Variants in HKDC1 observed in about 807,000 individuals in gnomAD.
HKDC1 encodes hexokinase domain containing 1, also known as hexokinase HKDC1.
A neutral mutation model predicts 96.6 loss-of-function variants in HKDC1; 66 were observed. That is an observed-to-expected ratio of 0.68 (90% CI 0.56 to 0.84). The LOEUF (loss-of-function observed/expected upper bound fraction) is 0.84. Ranked by LOEUF, HKDC1 falls within the 40% of genes least tolerant of loss-of-function variation. HKDC1 has a pLI of 0.00. For synonymous variants in HKDC1, 466 were observed against 473.1 expected, an observed-to-expected ratio of 0.98 and a Z score of 0.20; for missense variants, 1,211 against 1,208.1, an observed-to-expected ratio of 1.00 and a Z score of -0.04.
rs145675924 is a variant in HKDC1, at chr10:69,255,695, T to A, written c.1837-1341T>A. Among the ~76,000 whole-genome samples the A allele has an allele frequency of 1.9e-3, 285 of 152,148 alleles. 3 individuals are homozygous for A. The highest frequency in any genetic ancestry group is 6.3e-3 in the African/African-American group (260 of 41,502). On this transcript the variant is annotated intron_variant, in intron 12 of 17. Coordinates refer to ENST00000354624, the MANE Select transcript of HKDC1 (RefSeq NM_025130.4). ...AATTTGGGAGGCCGAGGAGGGTGGA[T>A]CACTTGAGGTCAGGAGTTCAAGACC...
At chr10:69,228,444 T>C (rs1218676315) in intron 2 of HKDC1, among the ~76,000 whole-genome samples, 1 of 152,196 alleles carries the variant, frequency 6.6e-6, no homozygotes, top group East Asian at 1.9e-4. Flanking sequence ...GATTAGGATG[T>C]GAGCATCTTT....
At chr10:69,251,318 A>G (rs1370501015) in intron 12 of HKDC1, among the ~76,000 whole-genome samples, 1 of 150,984 alleles carries the variant, frequency 6.6e-6, no homozygotes, top group South Asian at 2.1e-4. Context: ...CTGGTCATGA[A>G]CTCCTGACCT....
chr10:69,253,483 G>T (rs192565355), intron 12 of HKDC1, among the ~76,000 whole-genome samples: 126 of 152,312 alleles, frequency 8.3e-4, no homozygotes, highest in Non-Finnish European at 1.4e-3. Context: ...CTGGGGTTAT[G>T]GGCTCCTGTT....
chr10:69,239,509 T>C (rs1843420989), intron 5 of HKDC1, among the ~76,000 whole-genome samples: 1 of 152,202 alleles, frequency 6.6e-6, no homozygotes, highest in African/African-American at 2.4e-5. Flanking sequence ...CCATATTCTT[T>C]CTGGGCTGGT....
In HKDC1 at chr10:69,258,887, G is replaced by A. The variant is rs1476652683; in HGVS notation, c.2144G>A (p.Gly715Asp). The change falls in exon 15 of 18, where the codon GGC becomes GAC. Residue 715 changes from glycine to aspartate, a missense_variant. Coordinates refer to ENST00000354624, the MANE Select transcript of HKDC1 (RefSeq NM_025130.4). ...GAGTGGGGAGGATTTGGAGACAATG[G>A]CTGCATAGATGACATCTGGACCCGA... ...NTEWGGFGDN[G>D]CIDDIWTRYD... The A allele has an allele frequency of 1.2e-6, 2 of 1,612,414 alleles. No individual in the cohort carries two copies. Among genetic ancestry groups the A allele is most frequent in the Middle Eastern group, 1.7e-4 (1 of 6,044 alleles).
At chr10:69,258,427 G>T (rs1417117900) in intron 14 of HKDC1, among the ~76,000 whole-genome samples, 1 of 152,060 alleles carries the variant, frequency 6.6e-6, no homozygotes, top group Non-Finnish European at 1.5e-5. Flanking sequence ...CTAATTTTAC[G>T]ACTGCTTGGA....
chr10:69,250,168 C>G lies in HKDC1; in HGVS notation c.1571-122C>G, dbSNP rs556381201. 2.7e-4 allele frequency: 307 copies of G among 1,126,448 alleles called. 3 individuals carry two copies. In the South Asian group the frequency reaches 4.4e-3, roughly 16 times the overall value. 69.8% of individuals were successfully genotyped at this position (1,126,448 alleles called of 1,614,324 possible). ...TGTGCAGGGTGGCCCCCACGACCCT[C>G]TGGTCTATGAGGCCCAGGAGTGCAG... On this transcript the variant is annotated intron_variant, in intron 10 of 17. Coordinates refer to ENST00000354624, the MANE Select transcript of HKDC1 (RefSeq NM_025130.4).
At position 69,244,060 on chromosome 10, in the gene HKDC1, G is replaced by A. The variant is rs141904324; in HGVS notation, c.875+695G>A. On this transcript the variant is annotated intron_variant, in intron 7 of 17. Transcript: ENST00000354624. ...CGTCGTGTTCGCATGTCCCCCAGCC[G>A]CCTTGCTTTCTCGGAGGCCTAATCA... Among the ~76,000 whole-genome samples the A allele has an allele frequency of 4.6e-5, 7 of 152,130 alleles. No individual in the cohort carries two copies. In the East Asian group the frequency reaches 7.7e-4, roughly 17 times the overall value.
At chr10:69,236,435 T>C (rs1843361848) in intron 4 of HKDC1, among the ~76,000 whole-genome samples, 2 of 151,174 alleles carry the variant, frequency 1.3e-5, no homozygotes, top group South Asian at 2.1e-4. Context: ...TAGTGTCATA[T>C]TACAATAAAG....
At chr10:69,255,745 C>CT (rs898447839) in intron 12 of HKDC1, among the ~76,000 whole-genome samples, 3 of 151,938 alleles carry the variant, frequency 2.0e-5, no homozygotes, top group Non-Finnish European at 4.4e-5. Flanking sequence ...GATGAAACCT[C>CT]GTCTCTACTA....
intron 1 of HKDC1, 64 bp downstream of exon 1, chr10:69,220,562 T>A: frequency 8.1e-7 from 1 of 1,230,402 alleles, no homozygotes; most frequent in Non-Finnish European, 1.1e-6. Flanking sequence ...ACTGATTCCC[T>A]TAAAAAAAAA....
Position 69,266,730 on chromosome 10 carries a change from G to T in HKDC1, c.2727G>T (p.Arg909Ser). Residue 909 changes from arginine (R) to serine (S), a missense_variant, in exon 18 of 18, where the codon AGG becomes AGT. Arg to Ser is a moderately radical substitution (Grantham distance 110). Coordinates refer to ENST00000354624, the MANE Select transcript of HKDC1 (RefSeq NM_025130.4). ...GAALITAVAK[R>S]LQQAQKEN ...CACTGATCACTGCTGTGGCCAAGAG[G>T]TTACAGCAGGCACAGAAGGAGAACT... 1 of 1,613,584 alleles carries T rather than the reference G, an allele frequency of 6.2e-7. No homozygotes were observed. The highest frequency in any genetic ancestry group is 8.5e-7 in the Non-Finnish European group (1 of 1,179,858).
Position 69,255,099 on chromosome 10 carries a change from T to G in HKDC1, c.1837-1937T>G, listed in dbSNP as rs539235139. Among the ~76,000 whole-genome samples the G allele has an allele frequency of 1.2e-4, 19 of 152,366 alleles. No homozygotes were observed. In the South Asian group the frequency reaches 3.9e-3, roughly 32 times the overall value. ...TGACGGGGCACCAGGACACAGCTAC[T>G]GCTCCTGACTCAGGACACTGGGCCT... On this transcript the variant is annotated intron_variant, in intron 12 of 17. Transcript: ENST00000354624.
In HKDC1 at chr10:69,250,686, A is replaced by G. The variant is rs751443973; in HGVS notation, c.1836+34A>G. On this transcript the variant is annotated intron_variant, in intron 12 of 17. Transcript: ENST00000354624. ...GCCCCACCAGGCTCACGGCCAGCCC[A>G]GTGGGCTTCCTTCCTCTTCTGGGAC... 9.9e-6 allele frequency: 16 copies of G among 1,609,570 alleles called. No homozygotes were observed. In the Admixed American group the frequency reaches 2.3e-4, roughly 23 times the overall value.
Position 69,263,057 on chromosome 10 carries a change from CTGT to C in HKDC1, c.2372+1771_2372+1773del, listed in dbSNP as rs1721013511. On this transcript the variant is annotated intron_variant, in intron 16 of 17. Coordinates refer to ENST00000354624, the MANE Select transcript of HKDC1 (RefSeq NM_025130.4). ...TGGATGTTTTGATTTCTACAGGTTT[CTGT>C]TGTTGTTTTGTTTTTGTTTTCTGAG... Among the ~76,000 whole-genome samples the C allele has an allele frequency of 3.3e-5, 5 of 152,056 alleles. No homozygotes were observed. In the South Asian group the frequency reaches 6.2e-4, roughly 19 times the overall value.
rs761710080 is a variant in HKDC1, at chr10:69,246,097, TG to T, written c.896del (p.Gly299AlafsTer13). On this transcript the variant is annotated frameshift_variant, in exon 8 of 18. Transcript: ENST00000354624. LOFTEE classifies it high-confidence loss of function. ...CCTGCAGGTTCGAGAAGATGATCAGTGGCCTGTACCTGGGGGAGCTTGTCAG... is the reference window on the plus strand; with the variant it reads ...CCTGCAGGTTCGAGAAGATGATCAGTGCCTGTACCTGGGGGAGCTTGTCAG... ...GKQLFEKMIS[G>X]LYLGELVRLI... is the part of the protein sequence containing the mutation. 1.3e-4 allele frequency: 211 copies of T among 1,614,076 alleles called. No homozygotes were observed. Among genetic ancestry groups the T allele is most frequent in the Non-Finnish European group, 1.8e-4 (209 of 1,180,006 alleles).
At position 69,258,979 on chromosome 10, in the gene HKDC1, G is replaced by T. The variant is rs576805261; in HGVS notation, c.2216+20G>T. ...GCAGAGGTGAAGAGGGTGGATGTGT[G>T]CATTTATGTGGGTTGTGTAGTGAAC... On this transcript the variant is annotated intron_variant, in intron 15 of 17. Transcript: ENST00000354624. The T allele has an allele frequency of 6.6e-7, 1 of 1,517,342 alleles. No homozygotes were observed. Among genetic ancestry groups the T allele is most frequent in the African/African-American group, 1.4e-5 (1 of 72,026 alleles). The allele number at this position is 1,517,342 out of a possible 1,614,324, so 94.0% of individuals were successfully genotyped here. A position where few individuals can be genotyped will look rare whatever the true frequency, so the allele number is the denominator to read the frequency against.
intron 16 of HKDC1, among the ~76,000 whole-genome samples, chr10:69,263,912 T>C (rs1843849330): frequency 6.6e-6 from 1 of 152,242 alleles, no homozygotes; most frequent in African/African-American, 2.4e-5. Flanking sequence ...TGGTGGCTCA[T>C]GCCTGTAATC....
chr10:69,265,902 G>A lies in HKDC1; in HGVS notation c.2606+84G>A, dbSNP rs895132697. On this transcript the variant is annotated intron_variant, in intron 17 of 17. Coordinates refer to ENST00000354624, the MANE Select transcript of HKDC1 (RefSeq NM_025130.4). ...GACTTGGCATAGCCTCCTGAACTGC[G>A]GCATGGGAAGATGCATCCCCGTCCT... The A allele has an allele frequency of 1.9e-5, 18 of 957,346 alleles. No homozygotes were observed. In the Admixed American group the frequency reaches 2.3e-4, roughly 12 times the overall value. The allele number at this position is 957,346 out of a possible 1,614,324, so 59.3% of individuals were successfully genotyped here. A position where few individuals can be genotyped will look rare whatever the true frequency, so the allele number is the denominator to read the frequency against.
Sources: allele counts gnomAD v4.1 joint callset (sites outside exome capture counted in the v4.1 genomes callset), GRCh38; gene constraint gnomAD v4.1.1; transcripts MANE v1.5; gene names NCBI Gene and HGNC (gene_info 2026-07-23, HGNC 2026-07-21).